Variants in TTL observed in about 807,000 individuals in gnomAD.
TTL encodes the protein tubulin tyrosine ligase, also known as tubulin--tyrosine ligase.
In TTL, 10 loss-of-function variants were observed where a neutral mutation model predicts 41.1. The observed-to-expected ratio is 0.24, with a 90% confidence interval of 0.15 to 0.41. TTL has a LOEUF of 0.41. TTL is among the 10% of genes least tolerant of loss of function. TTL has a pLI of 1.00. For missense variants in TTL, 367 were observed against 460.4 expected (o/e 0.80, Z 1.86); for synonymous variants, 175 against 175.5 (o/e 1.00, Z 0.02).
At chr2:112,513,359 G>A (rs1031934608) in intron 5 of TTL, among the ~76,000 whole-genome samples, 1 of 151,744 alleles carries the variant, frequency 6.6e-6, no homozygotes, top group African/African-American at 2.4e-5. Flanking sequence ...ATTCTCTCTG[G>A]TATCATTTCC....
intron 2 of TTL, among the ~76,000 whole-genome samples, chr2:112,486,873 G>A (rs1236583185): frequency 6.6e-6 from 1 of 152,190 alleles, no homozygotes; most frequent in African/African-American, 2.4e-5. Context: ...GTAAAATGGG[G>A]AAATAATAAT....
chr2:112,526,994 T>G (rs1222335436), intron 6 of TTL, among the ~76,000 whole-genome samples: 2 of 152,240 alleles, frequency 1.3e-5, no homozygotes, highest in Non-Finnish European at 2.9e-5. Flanking sequence ...TGTGGCTTTG[T>G]TCTCATTGGT....
chr2:112,523,380 C>T (rs1377118500), intron 6 of TTL, among the ~76,000 whole-genome samples: 1 of 135,626 alleles, frequency 7.4e-6, no homozygotes, highest in Non-Finnish European at 1.6e-5. Flanking sequence ...GTGTATCCGC[C>T]CCTTCTTCTT....
rs377288304 is a variant in TTL, at chr2:112,497,241, C to T, written c.469+2866C>T. 3.9e-5 allele frequency among the ~76,000 whole-genome samples: 6 copies of T among 152,154 alleles called. No homozygotes were observed. In the South Asian group the frequency reaches 1.2e-3, roughly 32 times the overall value. On this transcript the variant is annotated intron_variant, in intron 3 of 6. Coordinates refer to ENST00000233336, the MANE Select transcript of TTL (RefSeq NM_153712.5). Reference sequence around the variant, plus strand: ...GTGTTACCCAGGCTGTTCTTGAACTCCTGAGCTCAAGTGATCTTCCCACCT... The same window carrying T: ...GTGTTACCCAGGCTGTTCTTGAACTTCTGAGCTCAAGTGATCTTCCCACCT...
At chr2:112,511,656 C>T (rs1681921872) in intron 5 of TTL, among the ~76,000 whole-genome samples, 1 of 151,986 alleles carries the variant, frequency 6.6e-6, no homozygotes, top group Non-Finnish European at 1.5e-5. Context: ...CCTCTGCCTC[C>T]CAGGCTCAAG....
At chr2:112,510,234 A>G (rs1681888239) in intron 5 of TTL, among the ~76,000 whole-genome samples, 1 of 151,992 alleles carries the variant, frequency 6.6e-6, no homozygotes, top group South Asian at 2.1e-4. Flanking sequence ...GGCTCAAGGG[A>G]TCTTCCTGTC....
At chr2:112,487,100 C>T (rs538705600) in intron 2 of TTL, among the ~76,000 whole-genome samples, 116 of 152,328 alleles carry the variant, frequency 7.6e-4, no homozygotes, top group Non-Finnish European at 8.8e-4. Context: ...TCCATGATGA[C>T]TGGTGAACAT....
chr2:112,513,681 A>C (rs1681990269), intron 5 of TTL, among the ~76,000 whole-genome samples: 1 of 151,492 alleles, frequency 6.6e-6, no homozygotes, highest in African/African-American at 2.4e-5. Context: ...AATATTAAGC[A>C]AAAAAATGCA....
At chr2:112,494,550 T>A (rs1011810115) in intron 3 of TTL, among the ~76,000 whole-genome samples, 175 bp downstream of exon 3, 1 of 152,206 alleles carries the variant, frequency 6.6e-6, no homozygotes, top group Non-Finnish European at 1.5e-5. Context: ...TCCAGTATGG[T>A]CTTTTCCTTT....
intron 5 of TTL, among the ~76,000 whole-genome samples, chr2:112,512,408 G>T (rs1478206865): frequency 6.6e-6 from 1 of 152,066 alleles, no homozygotes; most frequent in Admixed American, 6.5e-5. Context: ...GACTACAGGC[G>T]CCCGCCACCA....
chr2:112,496,214 A>G (rs1162174454), intron 3 of TTL, among the ~76,000 whole-genome samples: 1 of 152,212 alleles, frequency 6.6e-6, no homozygotes, highest in African/African-American at 2.4e-5. Context: ...CACTAAGACA[A>G]GACTCAGAGG....
rs1199770637 is a variant in TTL at position 112,529,170 on chromosome 2, G to A, written c.*375G>A. On this transcript the variant is annotated 3_prime_UTR_variant, in exon 7 of 7. Coordinates refer to ENST00000233336, the MANE Select transcript of TTL (RefSeq NM_153712.5). ...TGCCCGGCTGCAGCCCCACTGCTCT[G>A]GACTATGGATTGGACGTCAGAGCAT... 2.8e-6 allele frequency: 1 copy of A among 354,334 alleles called. No homozygotes were observed. The highest frequency in any genetic ancestry group is 2.0e-5 in the African/African-American group (1 of 49,510). The allele number at this position is 354,334 out of a possible 1,614,324, so 21.9% of individuals were successfully genotyped here.
At chr2:112,502,740 A>C (rs1474591772) in intron 4 of TTL, among the ~76,000 whole-genome samples, 172 bp from the exon 5 acceptor site, 1 of 152,052 alleles carries the variant, frequency 6.6e-6, no homozygotes, top group African/African-American at 2.4e-5. Context: ...ATAACTCACT[A>C]TCTTAGCTAA....
chr2:112,524,716 T>A (rs996572737), intron 6 of TTL, among the ~76,000 whole-genome samples: 8 of 152,188 alleles, frequency 5.3e-5, no homozygotes, highest in African/African-American at 1.4e-4. Flanking sequence ...GGGTAGATTG[T>A]AAAAATTTTC....
rs1435977634 is a variant in TTL, at chr2:112,532,765, C to CTGTTAAAAAATAAAAAACTAT, written c.*3971_*3972insGTTAAAAAATAAAAAACTATT. The CTGTTAAAAAATAAAAAACTAT allele has an allele frequency of 1.8e-5, 3 of 166,352 alleles. No individual in the cohort carries two copies. Among genetic ancestry groups the CTGTTAAAAAATAAAAAACTAT allele is most frequent in the Non-Finnish European group, 3.9e-5 (3 of 76,510 alleles). 10.3% of individuals were successfully genotyped at this position (166,352 alleles called of 1,614,324 possible). A position where few individuals can be genotyped will look rare whatever the true frequency, so the allele number is the denominator to read the frequency against. On this transcript the variant is annotated 3_prime_UTR_variant, in exon 7 of 7. Transcript: ENST00000233336. ...GCATACTTTTTGTTTTTTTCTCCAA[C>CTGTTAAAAAATAAAAAACTAT]TCTTAGCTCATAGGCCGTATAAAAG...
chr2:112,509,706 C>T (rs1382128395), intron 5 of TTL, among the ~76,000 whole-genome samples: 1 of 152,230 alleles, frequency 6.6e-6, no homozygotes, highest in African/African-American at 2.4e-5. Context: ...TGGCCTGCGC[C>T]CACTGTCTGG....
Position 112,503,167 on chromosome 2 carries a change from C to G in TTL, c.861C>G (p.Ile287Met), listed in dbSNP as rs1426113529. 6.3e-7 allele frequency: 1 copy of G among 1,595,738 alleles called. No homozygotes were observed. Among genetic ancestry groups the G allele is most frequent in the East Asian group, 2.2e-5 (1 of 44,656 alleles). ...ITLESSILLQ[I>M]KHIIRNCLLS... Reference sequence around the variant, plus strand: ...TAGAAAGTAGTATCTTACTACAAATCAAACATATAATAAGGTAACTTAATT... The same window carrying G: ...TAGAAAGTAGTATCTTACTACAAATGAAACATATAATAAGGTAACTTAATT... Residue 287 changes from isoleucine to methionine, a missense_variant, in exon 5 of 7, where the codon ATC becomes ATG. Ile to Met is a conservative substitution (Grantham distance 10). Transcript: ENST00000233336.
Position 112,482,258 on chromosome 2 carries a change from C to A in TTL, c.-87C>A, listed in dbSNP as rs1038690283. On this transcript the variant is annotated 5_prime_UTR_variant, in exon 1 of 7. Transcript: ENST00000233336. This position sits in a 1 kb window ranked among gnomAD's most constrained non-coding sequence, Gnocchi z 5.3. ...GGCGGGGGCCGGGCCGCGGCGGGCG[C>A]CCGGGCGGGGTCCGCGCTGAGCCGC... 1.1e-6 allele frequency: 1 copy of A among 951,382 alleles called. No homozygotes were observed. The highest frequency in any genetic ancestry group is 1.2e-6 in the Non-Finnish European group (1 of 801,532). 58.9% of individuals were successfully genotyped at this position (951,382 alleles called of 1,614,324 possible).
At chr2:112,520,146 AAAAAG>A in intron 5 of TTL, 131 bp from the exon 6 acceptor site, 1 of 1,107,880 alleles carries the variant, frequency 9.0e-7, no homozygotes, top group South Asian at 1.7e-5. Flanking sequence ...AAAAAAAAAA[AAAAAG>A]GAAACAGAGA....
Sources: allele counts gnomAD v4.1 joint callset (sites outside exome capture counted in the v4.1 genomes callset), GRCh38; gene constraint gnomAD v4.1.1; non-coding constraint Gnocchi (gnomAD v3.1); transcripts MANE v1.5; gene names NCBI Gene and HGNC (gene_info 2026-07-23, HGNC 2026-07-21).